The following DLGAP4 variants were observed in gnomAD, a reference collection of about 807,000 sequenced individuals.
DLGAP4 encodes DLG associated protein 4.
DLGAP4 carries 18 observed loss-of-function variants against 86.9 expected under a neutral mutation model. The ratio of observed to expected loss-of-function variants is 0.21; its 90% confidence interval spans 0.14 to 0.31. The LOEUF is 0.31. Among genes scored for constraint, DLGAP4 ranks in the 10% least tolerant of loss-of-function variants. The pLI is 1.00. For synonymous variants in DLGAP4, 548 were observed against 574.3 expected (o/e 0.95, Z 0.65); for missense variants, 1,085 against 1,362.6 (o/e 0.80, Z 3.21).
At chr20:36,418,666 G>C (rs1281770144) in intron 2 of DLGAP4, among the ~76,000 whole-genome samples, 2 of 152,108 alleles carry the variant, frequency 1.3e-5, no homozygotes, top group African/African-American at 4.8e-5. Context: ...CCCCTGAGGA[G>C]CTGTGACATC....
chr20:36,446,666 A>G, intron 6 of DLGAP4, 31 bp from the exon 7 acceptor site: 1 of 1,572,444 alleles, frequency 6.4e-7, no homozygotes, highest in Non-Finnish European at 8.7e-7. Flanking sequence ...CAAGATAGCC[A>G]GCTCCCTCAT....
intron 7 of DLGAP4, chr20:36,473,142 G>C (rs1223738093): frequency 6.6e-6 from 1 of 152,260 alleles, no homozygotes; most frequent in Non-Finnish European, 1.5e-5. Context: ...CCCAAACCCA[G>C]CTTTCACAGA....
At chr20:36,459,769 G>A (rs909693983) in intron 7 of DLGAP4, among the ~76,000 whole-genome samples, 2 of 152,138 alleles carry the variant, frequency 1.3e-5, no homozygotes, top group South Asian at 2.1e-4. Context: ...CTCCATGCCC[G>A]GCTAATTTTG....
At chr20:36,369,275 TA>T (rs966619457) in intron 2 of DLGAP4, among the ~76,000 whole-genome samples, 33 of 152,182 alleles carry the variant, frequency 2.2e-4, no homozygotes, top group Non-Finnish European at 4.4e-5. Context: ...CACAGTCATT[TA>T]TTTTTTTTAA....
At chr20:36,385,064 C>G (rs1046095881) in intron 2 of DLGAP4, among the ~76,000 whole-genome samples, 2 of 152,106 alleles carry the variant, frequency 1.3e-5, no homozygotes, top group African/African-American at 4.8e-5. Context: ...GTGTGACCTG[C>G]TGGGGGCATG....
chr20:36,362,438 G>C (rs1269259918), intron 1 of DLGAP4, among the ~76,000 whole-genome samples: 1 of 152,154 alleles, frequency 6.6e-6, no homozygotes, highest in Non-Finnish European at 1.5e-5. Context: ...ACTGGGCCCT[G>C]TACACATGGA....
intron 7 of DLGAP4, chr20:36,462,403 TGCGC>T: frequency 6.9e-7 from 1 of 1,456,908 alleles, no homozygotes; most frequent in African/African-American, 1.5e-5. Context: ...CTGTGCCTCT[TGCGC>T]TGAAGGCCCC....
At chr20:36,336,047 C>A (rs868993470) in intron 1 of DLGAP4, among the ~76,000 whole-genome samples, 2 of 152,324 alleles carry the variant, frequency 1.3e-5, no homozygotes, top group South Asian at 2.1e-4. Context: ...TCCAGAGGGA[C>A]AGTTCCCTTT....
intron 2 of DLGAP4, among the ~76,000 whole-genome samples, chr20:36,392,182 A>G (rs1299288180): frequency 6.6e-6 from 1 of 152,178 alleles, no homozygotes; most frequent in African/African-American, 2.4e-5. Flanking sequence ...CTCGGCTTCC[A>G]GCTCAGGTGC....
At position 36,496,948 on chromosome 20, in the gene DLGAP4, A is replaced by G. The variant is rs1467221596; in HGVS notation, c.1892A>G (p.Glu631Gly). ...VTRGGVAPAP[E>G]APEPPPKHAA... Reference sequence around the variant, plus strand: ...CGGGGTGGAGTCGCCCCAGCCCCTGAGGCCCCAGAGCCACCCCCAAAACAT... The same window carrying G: ...CGGGGTGGAGTCGCCCCAGCCCCTGGGGCCCCAGAGCCACCCCCAAAACAT... Residue 631 changes from glutamate (E) to glycine (G), a missense_variant, in exon 8 of 13, where the codon GAG (glutamate) becomes GGG (glycine). Physicochemically the swap from Glu to Gly is moderately conservative, Grantham distance 98. Around this residue, in one of 2 missense-constraint regions of DLGAP4, gnomAD observed 1,082 missense variants for 1,344.1 expected, o/e 0.81. Coordinates refer to ENST00000339266, the MANE Select transcript of DLGAP4 (RefSeq NM_001365621.2). 6.2e-7 allele frequency: 1 copy of G among 1,614,154 alleles called. No homozygotes were observed. Among genetic ancestry groups the G allele is most frequent in the Admixed American group, 1.7e-5 (1 of 60,012 alleles).
intron 10 of DLGAP4, among the ~76,000 whole-genome samples, chr20:36,509,352 C>T (rs567196608): frequency 6.6e-6 from 1 of 152,240 alleles, no homozygotes; most frequent in South Asian, 2.1e-4. Flanking sequence ...GGGAGGATCA[C>T]CTGAGATCAG....
intron 7 of DLGAP4, among the ~76,000 whole-genome samples, chr20:36,458,238 C>T (rs6095860): frequency 7.6e-5 from 11 of 145,654 alleles, no homozygotes; most frequent in Admixed American, 2.7e-4. Context: ...AGACCGGGTG[C>T]GGTGGCTCAC....
intron 1 of DLGAP4, among the ~76,000 whole-genome samples, chr20:36,319,651 T>A (rs1261463298): frequency 6.6e-6 from 1 of 152,132 alleles, no homozygotes; most frequent in Non-Finnish European, 1.5e-5. Context: ...AGATGACTGG[T>A]CCAAAGACCT....
chr20:36,476,009 C>T (rs1197710596), intron 7 of DLGAP4, among the ~76,000 whole-genome samples: 1 of 151,664 alleles, frequency 6.6e-6, no homozygotes, highest in African/African-American at 2.4e-5. Flanking sequence ...CAGGCACGCG[C>T]CACCACACCT....
intron 1 of DLGAP4, among the ~76,000 whole-genome samples, chr20:36,313,237 G>A (rs2065068691): frequency 1.3e-5 from 2 of 152,128 alleles, no homozygotes; most frequent in Non-Finnish European, 1.5e-5. Context: ...GCTTGTAAAC[G>A]GGAATCTGGG....
intron 7 of DLGAP4, chr20:36,461,751 G>GGGCC: frequency 2.7e-5 from 17 of 618,736 alleles, no homozygotes; most frequent in South Asian, 6.0e-5. Context: ...CCGTCCGTCC[G>GGGCC]CCCGCCCGCC....
rs545680119 is a variant in DLGAP4 at position 36,501,532 on chromosome 20, C to A, written c.2512+921C>A. On this transcript the variant is annotated intron_variant, in intron 10 of 12. Transcript: ENST00000339266. The stretch of plus-strand genomic sequence containing the variant: ...AATTAGTTCAAGAAAGTGCTAGACA[C>A]GTGTAGGGAGCCTAGATTCACAGGT... Among the ~76,000 whole-genome samples, 179 of 152,312 alleles carry A rather than the reference C, an allele frequency of 1.2e-3. 1 individual carries two copies. Among genetic ancestry groups the A allele is most frequent in the Non-Finnish European group, 2.1e-3 (143 of 68,030 alleles).
intron 2 of DLGAP4, among the ~76,000 whole-genome samples, chr20:36,381,043 C>A (rs1047294977): frequency 1.3e-5 from 2 of 152,202 alleles, no homozygotes; most frequent in African/African-American, 4.8e-5. Context: ...CTAGCATGAT[C>A]CACCTTAAAG....
intron 8 of DLGAP4, chr20:36,499,308 G>A: frequency 6.2e-7 from 1 of 1,613,728 alleles, no homozygotes; most frequent in Non-Finnish European, 8.5e-7. Flanking sequence ...CGATGTGATG[G>A]CACCCTCCTC....
Sources: allele counts gnomAD v4.1 joint callset (sites outside exome capture counted in the v4.1 genomes callset), GRCh38; gene constraint gnomAD v4.1.1; regional missense constraint gnomAD v4.1.1; transcripts MANE v1.5; gene names NCBI Gene and HGNC (gene_info 2026-07-23, HGNC 2026-07-21).